The following ADCY2 variants were observed in gnomAD, a reference collection of about 807,000 sequenced individuals.
The protein encoded by ADCY2 is adenylate cyclase type 2.
A neutral mutation model predicts 125.2 loss-of-function variants in ADCY2; 31 were observed. The ratio of observed to expected loss-of-function variants is 0.25; its 90% CI spans 0.19 to 0.33. The LOEUF is 0.33. Among genes scored for constraint, ADCY2 ranks in the 10% least tolerant of loss-of-function variants. The probability of loss-of-function intolerance (pLI) is 1.00; values close to 1 mark genes in which losing one functional copy is unlikely to be tolerated. For missense variants in ADCY2, 904 were observed against 1,418.2 expected (o/e 0.64, Z 5.82); for synonymous variants, 512 against 548.4 (o/e 0.93, Z 0.93).
intron 23 of ADCY2, among the ~76,000 whole-genome samples, chr5:7,818,847 T>C (rs893362587): frequency 8.0e-5 from 12 of 150,522 alleles, no homozygotes; most frequent in Non-Finnish European, 1.3e-4. Context: ...CTCTTTAAAA[T>C]AAAAAAAAAT....
chr5:7,450,181 A>G (rs1741421417), intron 2 of ADCY2, among the ~76,000 whole-genome samples: 2 of 152,340 alleles, frequency 1.3e-5, no homozygotes, highest in South Asian at 4.1e-4. Context: ...TGAGGAAGGT[A>G]TGTCTTAAGT....
At chr5:7,516,324 T>C (rs1744252967) in intron 2 of ADCY2, among the ~76,000 whole-genome samples, 1 of 152,238 alleles carries the variant, frequency 6.6e-6, no homozygotes, top group African/African-American at 2.4e-5. Flanking sequence ...ACCCAATTTT[T>C]ATAAATATGA....
intron 14 of ADCY2, among the ~76,000 whole-genome samples, chr5:7,734,051 G>C (rs372613290): frequency 9.2e-5 from 14 of 152,236 alleles, no homozygotes; most frequent in African/African-American, 3.4e-4. Flanking sequence ...TTAAAAAAGA[G>C]GAATTTTTAT....
intron 16 of ADCY2, among the ~76,000 whole-genome samples, chr5:7,761,012 G>A (rs193151981): frequency 1.4e-3 from 218 of 151,976 alleles, no homozygotes; most frequent in Non-Finnish European, 2.4e-3. Context: ...TTTTCTGTAC[G>A]TGGCTTATTT....
intron 2 of ADCY2, among the ~76,000 whole-genome samples, chr5:7,489,972 G>A (rs558254934): frequency 3.7e-4 from 57 of 152,120 alleles, no homozygotes; most frequent in African/African-American, 1.3e-3. Flanking sequence ...TGATTTTTGT[G>A]CTTTTTGGTT....
chr5:7,814,648 G>A (rs1745049914), intron 22 of ADCY2, among the ~76,000 whole-genome samples: 1 of 151,788 alleles, frequency 6.6e-6, no homozygotes, highest in African/African-American at 2.4e-5. Context: ...CTTAGTAGCA[G>A]CTTTTCTCTA....
At chr5:7,527,954 G>C (rs1449564020) in intron 3 of ADCY2, among the ~76,000 whole-genome samples, 1 of 152,158 alleles carries the variant, frequency 6.6e-6, no homozygotes, top group Non-Finnish European at 1.5e-5. Context: ...TCTCTGTTCT[G>C]ACTGTTTGTC....
chr5:7,801,207 C>A (rs1744583452), intron 20 of ADCY2: 1 of 152,206 alleles, frequency 6.6e-6, no homozygotes, highest in Non-Finnish European at 1.5e-5. Flanking sequence ...AGTGCTTGCT[C>A]TCTGCAAAGG....
At chr5:7,522,728 C>G (rs1235654239) in intron 3 of ADCY2, 2 of 140,706 alleles carry the variant, frequency 1.4e-5, no homozygotes, top group African/African-American at 2.9e-5. Flanking sequence ...CGGTGAAACC[C>G]CATCTCTACT....
intron 22 of ADCY2, 24 bp downstream of exon 22, chr5:7,804,716 G>T: frequency 6.3e-7 from 1 of 1,582,214 alleles, no homozygotes; most frequent in South Asian, 1.1e-5. Flanking sequence ...GCCACTTAAC[G>T]GCACAGGTGA....
rs191043893 is a variant in ADCY2 at position 7,735,503 on chromosome 5, A to T, written c.1872-8165A>T. On this transcript the variant is annotated intron_variant, in intron 14 of 24. Coordinates refer to ENST00000338316, the MANE Select transcript of ADCY2 (RefSeq NM_020546.3). ...TATCAAGATAAGGAAATTCCATTTTATTAATAGTTTGTTGAGTTTTTTCAT... is the reference window on the plus strand; with the variant it reads ...TATCAAGATAAGGAAATTCCATTTTTTTAATAGTTTGTTGAGTTTTTTCAT... Among the ~76,000 whole-genome samples the T allele has an allele frequency of 1.6e-3, 248 of 152,248 alleles. 2 individuals carry two copies. Among genetic ancestry groups the T allele is most frequent in the African/African-American group, 5.6e-3 (234 of 41,556 alleles).
At chr5:7,546,455 G>A (rs1011656571) in intron 3 of ADCY2, among the ~76,000 whole-genome samples, 3 of 152,186 alleles carry the variant, frequency 2.0e-5, no homozygotes, top group African/African-American at 7.2e-5. Context: ...GCCTGGGAGA[G>A]ATGAAGCGAC....
At chr5:7,718,427 T>C (rs977830735) in intron 12 of ADCY2, among the ~76,000 whole-genome samples, 1 of 152,038 alleles carries the variant, frequency 6.6e-6, no homozygotes, top group East Asian at 1.9e-4. Context: ...GGATTACAGG[T>C]GTGAGCCACC....
intron 4 of ADCY2, among the ~76,000 whole-genome samples, chr5:7,631,155 T>G (rs982183620): frequency 8.5e-5 from 13 of 152,150 alleles, no homozygotes; most frequent in South Asian, 2.1e-4. Flanking sequence ...CCCTCCTGCT[T>G]TACTCTTATG....
intron 3 of ADCY2, among the ~76,000 whole-genome samples, chr5:7,618,277 T>G (rs552848160): frequency 1.3e-5 from 2 of 152,356 alleles, no homozygotes; most frequent in Non-Finnish European, 2.9e-5. Context: ...AGGTGTTTTC[T>G]GATTCAGTCA....
chr5:7,431,715 C>G (rs1227495526), intron 2 of ADCY2, among the ~76,000 whole-genome samples: 2 of 152,102 alleles, frequency 1.3e-5, no homozygotes, highest in African/African-American at 2.4e-5. Flanking sequence ...ATATATAGAG[C>G]AGACTGACAA....
At chr5:7,400,671 G>A (rs1344682487) in intron 1 of ADCY2, among the ~76,000 whole-genome samples, 5 of 152,200 alleles carry the variant, frequency 3.3e-5, no homozygotes, top group South Asian at 2.1e-4. Flanking sequence ...GCTTTCTCTA[G>A]TTTCCCTTGT....
chr5:7,522,843 G>A (rs112952340), intron 3 of ADCY2, among the ~76,000 whole-genome samples: 17,770 of 150,158 alleles, frequency 0.12, 1,161 homozygotes, highest in African/African-American at 0.14. Flanking sequence ...GCAGAATGGC[G>A]TGAACCCAGG....
chr5:7,558,300 G>T (rs1735600614), intron 3 of ADCY2, among the ~76,000 whole-genome samples: 1 of 152,076 alleles, frequency 6.6e-6, no homozygotes, highest in African/African-American at 2.4e-5. Flanking sequence ...GAGTCCACCT[G>T]CCTCATTCTC....
Sources: gnomAD v4.1 joint callset for allele counts (sites outside exome capture counted in the v4.1 genomes callset) on GRCh38, gnomAD v4.1.1 for gene constraint, MANE v1.5 for transcripts, NCBI Gene and HGNC (gene_info 2026-07-23, HGNC 2026-07-21) for gene names.